Variants in NKAIN3 observed in about 807,000 individuals in gnomAD.
NKAIN3 encodes the protein sodium/potassium transporting ATPase interacting 3.
Under a neutral mutation model 30.2 loss-of-function variants are expected in NKAIN3, and 25 were observed. The ratio of observed to expected loss-of-function variants is 0.83; its 90% CI spans 0.60 to 1.16. NKAIN3 has a LOEUF of 1.16. NKAIN3 is among the 50% of genes most tolerant of loss of function. The pLI, the probability that NKAIN3 is intolerant of heterozygous loss-of-function variation, is 0.00. For missense variants in NKAIN3, 225 were observed against 254.1 expected (o/e 0.89, Z 0.78); for synonymous variants, 91 against 89.6 (o/e 1.02, Z -0.09).
chr8:62,652,903 G>A (rs994880153), intron 3 of NKAIN3, among the ~76,000 whole-genome samples: 2 of 152,164 alleles, frequency 1.3e-5, no homozygotes, highest in South Asian at 4.1e-4. Context: ...GTCTGATCCT[G>A]AAGCCATAGA....
intron 1 of NKAIN3, among the ~76,000 whole-genome samples, chr8:62,489,397 G>C (rs1011573155): frequency 6.6e-6 from 1 of 152,078 alleles, no homozygotes; most frequent in African/African-American, 2.4e-5. Flanking sequence ...ATTGTCTATA[G>C]CCTTACATTA....
chr8:62,379,834 C>T (rs1014983042), intron 1 of NKAIN3, among the ~76,000 whole-genome samples: 1 of 152,082 alleles, frequency 6.6e-6, no homozygotes, highest in Non-Finnish European at 1.5e-5. Flanking sequence ...GACAGACCTT[C>T]CACTAGGGAC....
chr8:62,808,732 C>T (rs1818386933), intron 4 of NKAIN3, among the ~76,000 whole-genome samples: 1 of 152,008 alleles, frequency 6.6e-6, no homozygotes, highest in Admixed American at 6.6e-5. Context: ...AAAAATATCA[C>T]AAGGCAAATG....
rs550143483 is a variant in NKAIN3 at position 62,918,434 on chromosome 8, C to T, written c.472-19C>T. On this transcript the variant is annotated intron_variant, in intron 4 of 6. Transcript: ENST00000623646. ...ACTTGGCATAGATTCTTAAGGTACA[C>T]ATTTTTTCCCTTTTGCAGTTGGTGG... is the stretch of plus-strand genomic sequence containing the variant. 2.1e-5 allele frequency: 33 copies of T among 1,594,776 alleles called. No homozygotes were observed. Among genetic ancestry groups the T allele is most frequent in the African/African-American group, 2.7e-5 (2 of 74,522 alleles).
chr8:62,363,856 T>C (rs565562988), intron 1 of NKAIN3, among the ~76,000 whole-genome samples: 4 of 152,324 alleles, frequency 2.6e-5, no homozygotes, highest in Admixed American at 6.5e-5. Flanking sequence ...AGATAGTTTC[T>C]ATTTTCAAGC....
At chr8:62,643,019 G>A (rs373014751) in intron 3 of NKAIN3, among the ~76,000 whole-genome samples, 2 of 152,044 alleles carry the variant, frequency 1.3e-5, no homozygotes, top group Non-Finnish European at 2.9e-5. Flanking sequence ...GCATTTTTTG[G>A]TTCTAGAAAT....
intron 1 of NKAIN3, among the ~76,000 whole-genome samples, chr8:62,272,867 T>G (rs1274169523): frequency 6.6e-6 from 1 of 152,234 alleles, no homozygotes; most frequent in African/African-American, 2.4e-5. Flanking sequence ...TGTTAGCTTA[T>G]TATCAACTAA....
At chr8:62,379,394 G>T (rs1476181835) in intron 1 of NKAIN3, among the ~76,000 whole-genome samples, 1 of 152,154 alleles carries the variant, frequency 6.6e-6, no homozygotes. Context: ...GTTTTGATAT[G>T]TGAGGACATG....
At chr8:62,325,654 G>C (rs781349268) in intron 1 of NKAIN3, among the ~76,000 whole-genome samples, 1 of 151,932 alleles carries the variant, frequency 6.6e-6, no homozygotes, top group African/African-American at 2.4e-5. Context: ...GTTGTTTTTT[G>C]ACTTTTTAAT....
rs1193806469 is a variant in NKAIN3, at chr8:62,659,445, TTACA to T, written c.273+69657_273+69660del. Among the ~76,000 whole-genome samples, 6 of 152,232 alleles carry T rather than the reference TTACA, an allele frequency of 3.9e-5. No homozygotes were observed. In the South Asian group the frequency reaches 1.2e-3, roughly 32 times the overall value. ...GAGCCATGAGAAATACCTTAGAGCCTTACATACATTAAACTTTATTTTTAAGGAG... is the reference window on the plus strand; with the variant it reads ...GAGCCATGAGAAATACCTTAGAGCCTTACATTAAACTTTATTTTTAAGGAG... On this transcript the variant is annotated intron_variant, in intron 3 of 6. Transcript: ENST00000623646.
At chr8:62,511,610 T>A (rs1416201102) in intron 1 of NKAIN3, among the ~76,000 whole-genome samples, 1 of 152,218 alleles carries the variant, frequency 6.6e-6, no homozygotes, top group Non-Finnish European at 1.5e-5. Context: ...TACAGAGCCG[T>A]ACAAGGGGCC....
intron 1 of NKAIN3, among the ~76,000 whole-genome samples, chr8:62,402,215 G>A (rs1396036251): frequency 6.6e-6 from 1 of 152,180 alleles, no homozygotes; most frequent in African/African-American, 2.4e-5. Flanking sequence ...CAAGCCTGTG[G>A]TGAGTAATGT....
chr8:62,305,652 T>C (rs1050211128), intron 1 of NKAIN3, among the ~76,000 whole-genome samples: 1 of 150,530 alleles, frequency 6.6e-6, no homozygotes, highest in Non-Finnish European at 1.5e-5. Flanking sequence ...GTAAATCTCT[T>C]TGGAGGTCTA....
chr8:62,275,750 G>T (rs1393724566), intron 1 of NKAIN3, among the ~76,000 whole-genome samples: 2 of 152,040 alleles, frequency 1.3e-5, no homozygotes, highest in Non-Finnish European at 2.9e-5. Context: ...ATATTTATCA[G>T]CAAATTATTT....
chr8:62,536,203 G>C (rs10092935), intron 1 of NKAIN3, among the ~76,000 whole-genome samples: 5,032 of 152,120 alleles, frequency 0.033, 230 homozygotes, highest in African/African-American at 0.11. Context: ...AATGCTTATA[G>C]CATTTTTAAG....
In NKAIN3 at chr8:62,946,667, A is replaced by G. The variant is rs945002031; in HGVS notation, c.533-7235A>G. The stretch of plus-strand genomic sequence containing the variant: ...AGAAAATCACAGTGTAATAGCCCCC[A>G]TATTTGAGTTCTTCAAATGTTTCTT... On this transcript the variant is annotated intron_variant, in intron 5 of 6. Coordinates refer to ENST00000623646, the MANE Select transcript of NKAIN3 (RefSeq NM_001304533.3). Among the ~76,000 whole-genome samples, 4 of 152,172 alleles carry G rather than the reference A, an allele frequency of 2.6e-5. No individual in the cohort carries two copies. In the South Asian group the frequency reaches 6.2e-4, roughly 24 times the overall value.
In NKAIN3 at chr8:62,918,395, CT is replaced by C. The variant is rs1822171924; in HGVS notation, c.472-55del. 25 of 1,255,496 alleles carry C rather than the reference CT, an allele frequency of 2.0e-5. No individual in the cohort carries two copies. In the South Asian group the frequency reaches 3.1e-4, roughly 15 times the overall value. The allele number at this position is 1,255,496 out of a possible 1,614,324, so 77.8% of individuals were successfully genotyped here. ...TTATCTTTATTAGATTATATTGGCT[CT>C]TTAAGTATGGAAACTTGGCATAGAT... On this transcript the variant is annotated intron_variant, in intron 4 of 6. Coordinates refer to ENST00000623646, the MANE Select transcript of NKAIN3 (RefSeq NM_001304533.3).
At chr8:62,733,505 A>T (rs1269846363) in intron 3 of NKAIN3, among the ~76,000 whole-genome samples, 1 of 152,076 alleles carries the variant, frequency 6.6e-6, no homozygotes, top group African/African-American at 2.4e-5. Flanking sequence ...GCTGTTGACA[A>T]CCACACTTAA....
At position 62,337,613 on chromosome 8, in the gene NKAIN3, C is replaced by T. The variant is rs147198785; in HGVS notation, c.54+88486C>T. 2.5e-3 allele frequency among the ~76,000 whole-genome samples: 375 copies of T among 151,058 alleles called. 2 individuals are homozygous for T. Among genetic ancestry groups the T allele is most frequent in the African/African-American group, 8.9e-3 (360 of 40,566 alleles). ...ACAACACACATAACAGACACACACT[C>T]TCACACACATATGTGTGTACACATA... On this transcript the variant is annotated intron_variant, in intron 1 of 6. Coordinates refer to ENST00000623646, the MANE Select transcript of NKAIN3 (RefSeq NM_001304533.3).
Sources: gnomAD v4.1 joint callset for allele counts (sites outside exome capture counted in the v4.1 genomes callset) on GRCh38, gnomAD v4.1.1 for gene constraint, MANE v1.5 for transcripts, NCBI Gene and HGNC (gene_info 2026-07-23, HGNC 2026-07-21) for gene names.